NRG1: variants seen among roughly 807,000 people sequenced by gnomAD.
NRG1 encodes neuregulin 1.
In NRG1, 18 loss-of-function variants were observed where a neutral mutation model predicts 63.8. That is an observed-to-expected ratio of 0.28 (90% CI 0.19 to 0.42). The LOEUF (loss-of-function observed/expected upper bound fraction) is 0.42, where lower values mean the gene tolerates loss of function less well. NRG1 is among the 10% of genes least tolerant of loss of function. NRG1 has a pLI of 1.00. For synonymous variants in NRG1, 302 were observed against 301.3 expected, an observed-to-expected ratio of 1.00 and a Z score of -0.02; for missense variants, 762 against 814.7, an observed-to-expected ratio of 0.94 and a Z score of 0.79.
At chr8:32,670,327 A>G (rs1805311030) in intron 5 of NRG1, among the ~76,000 whole-genome samples, 1 of 152,160 alleles carries the variant, frequency 6.6e-6, no homozygotes, top group Non-Finnish European at 1.5e-5. Flanking sequence ...GAAGTTACAA[A>G]TTCATTAAAT....
chr8:32,103,915 A>G (rs1489344022), intron 1 of NRG1, among the ~76,000 whole-genome samples: 1 of 152,152 alleles, frequency 6.6e-6, no homozygotes, highest in Non-Finnish European at 1.5e-5. Context: ...TGATTATACC[A>G]GGCTTACAGG....
At chr8:31,975,632 C>A (rs1187137266) in intron 1 of NRG1, among the ~76,000 whole-genome samples, 1 of 152,094 alleles carries the variant, frequency 6.6e-6, no homozygotes, top group Non-Finnish European at 1.5e-5. Flanking sequence ...AATTCTCAGT[C>A]CTGACCAAAA....
intron 1 of NRG1, among the ~76,000 whole-genome samples, chr8:32,469,770 A>G (rs999014665): frequency 1.3e-5 from 2 of 152,220 alleles, no homozygotes; most frequent in Middle Eastern, 3.2e-3. Flanking sequence ...GAGAATCCTA[A>G]GAGAGGATGA....
intron 1 of NRG1, 122 bp downstream of exon 1, chr8:32,548,948 T>G (rs534226582): frequency 7.7e-7 from 1 of 1,297,408 alleles, no homozygotes; most frequent in South Asian, 1.6e-5. Context: ...CGCCCTGCGC[T>G]CTGAGCGCCC....
chr8:32,558,108 C>T (rs567469702), intron 1 of NRG1, among the ~76,000 whole-genome samples: 5 of 152,296 alleles, frequency 3.3e-5, no homozygotes, highest in African/African-American at 1.2e-4. Context: ...CTATCGTTCT[C>T]CAGGAATCAA....
intron 1 of NRG1, among the ~76,000 whole-genome samples, chr8:32,388,138 T>G (rs562595497): frequency 1.3e-5 from 2 of 152,204 alleles, no homozygotes; most frequent in South Asian, 2.1e-4. Context: ...TTCCTTTTGA[T>G]GTCTTTGTCA....
intron 1 of NRG1, among the ~76,000 whole-genome samples, chr8:32,132,767 T>A (rs577244171): frequency 6.6e-6 from 1 of 152,220 alleles, no homozygotes; most frequent in East Asian, 1.9e-4. Context: ...TATGCACCAG[T>A]GCACTTTCAA....
chr8:32,495,047 T>C (rs1382470170), intron 1 of NRG1, among the ~76,000 whole-genome samples: 1 of 152,264 alleles, frequency 6.6e-6, no homozygotes, highest in Non-Finnish European at 1.5e-5. Context: ...GTGATTCTGA[T>C]GTATTTCCCT....
At chr8:31,992,472 G>A (rs1223365313) in intron 1 of NRG1, among the ~76,000 whole-genome samples, 3 of 151,928 alleles carry the variant, frequency 2.0e-5, no homozygotes, top group African/African-American at 2.4e-5. Context: ...AGCTTTTGAT[G>A]TTAAAACTAG....
intron 5 of NRG1, among the ~76,000 whole-genome samples, chr8:32,692,652 C>T (rs1812079024): frequency 6.6e-6 from 1 of 152,116 alleles, no homozygotes; most frequent in Non-Finnish European, 1.5e-5. Flanking sequence ...ACTTCGGGCC[C>T]AAATGAGCTT....
At chr8:31,781,446 C>T (rs548489786) in intron 1 of NRG1, among the ~76,000 whole-genome samples, 40 of 152,200 alleles carry the variant, frequency 2.6e-4, no homozygotes, top group African/African-American at 9.4e-4. Context: ...AGCACATTTC[C>T]CTCGTTACCA....
At chr8:31,847,405 A>G (rs1826792279) in intron 1 of NRG1, among the ~76,000 whole-genome samples, 1 of 152,196 alleles carries the variant, frequency 6.6e-6, no homozygotes, top group Non-Finnish European at 1.5e-5. Flanking sequence ...GGGTGTTCGG[A>G]TGAGCTATGG....
At chr8:32,757,455 T>TA (rs1172574640) in intron 9 of NRG1, among the ~76,000 whole-genome samples, 1 of 152,182 alleles carries the variant, frequency 6.6e-6, no homozygotes, top group East Asian at 1.9e-4. Flanking sequence ...ATGGAACAGA[T>TA]ATATCATAGA....
intron 5 of NRG1, among the ~76,000 whole-genome samples, chr8:32,724,987 T>C (rs1821699734): frequency 6.6e-6 from 1 of 152,312 alleles, no homozygotes; most frequent in East Asian, 1.9e-4. Context: ...TTAAGGCCTT[T>C]TAAAAAGAGG....
chr8:32,186,419 C>T (rs563728682), intron 1 of NRG1, among the ~76,000 whole-genome samples: 129 of 150,190 alleles, frequency 8.6e-4, no homozygotes, highest in Middle Eastern at 3.5e-3. Flanking sequence ...CGAGATGGCG[C>T]CACTGCCCTC....
At chr8:32,481,432 C>T (rs1825273437) in intron 1 of NRG1, among the ~76,000 whole-genome samples, 1 of 152,186 alleles carries the variant, frequency 6.6e-6, no homozygotes. Context: ...TTGAAGTTGA[C>T]ATTAACTAGC....
chr8:32,487,809 A>G (rs1400394095), intron 1 of NRG1, among the ~76,000 whole-genome samples: 1 of 152,206 alleles, frequency 6.6e-6, no homozygotes, highest in Non-Finnish European at 1.5e-5. Context: ...AGGTCTACTC[A>G]GGCAACTCGT....
At chr8:31,857,871 G>A (rs897351456) in intron 1 of NRG1, among the ~76,000 whole-genome samples, 3 of 152,264 alleles carry the variant, frequency 2.0e-5, no homozygotes, top group Admixed American at 1.3e-4. Flanking sequence ...AGGAACTAAC[G>A]AACATACAGT....
intron 1 of NRG1, among the ~76,000 whole-genome samples, chr8:32,523,903 G>A (rs1481798504): frequency 1.3e-5 from 2 of 152,076 alleles, no homozygotes; most frequent in African/African-American, 4.8e-5. Flanking sequence ...GCAAACAGTA[G>A]GTCTATATCC....
Sources: gnomAD v4.1 joint callset for allele counts (sites outside exome capture counted in the v4.1 genomes callset) on GRCh38, gnomAD v4.1.1 for gene constraint, MANE v1.5 for transcripts, NCBI Gene and HGNC (gene_info 2026-07-23, HGNC 2026-07-21) for gene names.